Variants in NOS1 observed in about 807,000 individuals in gnomAD.
NOS1 encodes the protein NOS type I.
In NOS1, 51 loss-of-function variants were observed where a neutral mutation model predicts 164.5. The observed-to-expected ratio is 0.31, with a 90% CI of 0.25 to 0.39. NOS1 has a LOEUF of 0.39. Among genes scored for constraint, NOS1 ranks in the 10% least tolerant of loss-of-function variants. NOS1 has a pLI of 1.00. For synonymous variants in NOS1, 719 were observed against 745.8 expected (o/e 0.96, Z 0.59); for missense variants, 1,362 against 1,885.6 (o/e 0.72, Z 5.14).
intron 3 of NOS1, among the ~76,000 whole-genome samples, chr12:117,292,723 C>T (rs984616318): frequency 2.0e-5 from 3 of 152,226 alleles, no homozygotes; most frequent in African/African-American, 4.8e-5. Flanking sequence ...ACTATCCTGC[C>T]TCCTGGCCAT....
intron 1 of NOS1, among the ~76,000 whole-genome samples, chr12:117,349,661 T>C (rs953178976): frequency 6.6e-6 from 1 of 152,216 alleles, no homozygotes; most frequent in Non-Finnish European, 1.5e-5. Flanking sequence ...CCTGTGCTTA[T>C]ACAGGCCCAG....
intron 1 of NOS1, among the ~76,000 whole-genome samples, chr12:117,349,255 A>T (rs1233237618): frequency 2.0e-5 from 3 of 152,210 alleles, no homozygotes; most frequent in African/African-American, 7.2e-5. Flanking sequence ...ACTCAGCATC[A>T]CGCTTTTGAG....
Position 117,331,206 on chromosome 12 carries a change from C to T in NOS1, c.-137G>A. 2 of 1,143,104 alleles carry T rather than the reference C, an allele frequency of 1.7e-6. No homozygotes were observed. Among genetic ancestry groups the T allele is most frequent in the Non-Finnish European group, 2.5e-6 (2 of 812,764 alleles). 70.8% of individuals were successfully genotyped at this position (1,143,104 alleles called of 1,614,324 possible). ...TGACAGGTGCTGACAAGGCTTCAGC[C>T]CTCTCTGTCTTTGACGTCAGCTCAG... On this transcript the variant is annotated 5_prime_UTR_variant, in exon 2 of 29. Transcript: ENST00000317775.
At position 117,210,036 on chromosome 12, in the gene NOS1, G is replaced by A. The variant is rs534618088; in HGVS notation, c.*5273C>T. On this transcript the variant is annotated 3_prime_UTR_variant, in exon 29 of 29. Transcript: ENST00000317775. ...CACTCAGGCTGGAGTGCAGTGGTGC[G>A]ATCCTAGCTCACTGTCGCCTCAAAC... 6 of 938,978 alleles carry A rather than the reference G, an allele frequency of 6.4e-6. No individual in the cohort carries two copies. In the East Asian group the frequency reaches 3.5e-4, roughly 55 times the overall value. 58.2% of individuals were successfully genotyped at this position (938,978 alleles called of 1,614,324 possible).
intron 3 of NOS1, among the ~76,000 whole-genome samples, chr12:117,293,200 T>G (rs1382421422): frequency 6.6e-6 from 1 of 152,026 alleles, no homozygotes; most frequent in African/African-American, 2.4e-5. Context: ...CGTGCCACTG[T>G]TAAAGACTGC....
rs911092473 is a variant in NOS1, at chr12:117,234,368, C to T, written c.3235+197G>A. On this transcript the variant is annotated intron_variant, in intron 21 of 28. Coordinates refer to ENST00000317775, the MANE Select transcript of NOS1 (RefSeq NM_000620.5). The surrounding 1 kb of genome is among the most constrained non-coding windows in gnomAD (Gnocchi z 4.3). ...GCCATCAATGGCCTGGCACTATGTG[C>T]ATTTATTTGCTCAGCTGGTTGGGCC... Among the ~76,000 whole-genome samples the T allele has an allele frequency of 2.0e-5, 3 of 152,148 alleles. No individual in the cohort carries two copies. The highest frequency in any genetic ancestry group is 4.4e-5 in the Non-Finnish European group (3 of 68,028).
At chr12:117,218,238 G>T in intron 27 of NOS1, 74 bp from the exon 28 acceptor site, 1 of 1,059,248 alleles carries the variant, frequency 9.4e-7, no homozygotes, top group South Asian at 1.3e-5. Flanking sequence ...AGACTTGCCT[G>T]ACACCTGGAA....
intron 20 of NOS1, among the ~76,000 whole-genome samples, chr12:117,237,960 C>A (rs34973520): frequency 2.0e-5 from 3 of 151,954 alleles, no homozygotes; most frequent in East Asian, 3.9e-4. Flanking sequence ...ACTTCTCTGG[C>A]GATTTGACAC....
intron 22 of NOS1, among the ~76,000 whole-genome samples, chr12:117,231,101 G>T (rs930328586): frequency 1.3e-5 from 2 of 152,076 alleles, no homozygotes; most frequent in African/African-American, 4.8e-5. Flanking sequence ...GCCGAGGTGG[G>T]TGGATCACCT....
intron 3 of NOS1, among the ~76,000 whole-genome samples, chr12:117,307,185 G>A (rs539463823): frequency 2.0e-5 from 3 of 152,214 alleles, no homozygotes; most frequent in South Asian, 2.1e-4. Context: ...CCTTCGAACC[G>A]AGATCTCAAG....
intron 2 of NOS1, among the ~76,000 whole-genome samples, chr12:117,312,400 A>AGAGTTAATT (rs1874474585): frequency 6.6e-6 from 1 of 150,596 alleles, no homozygotes; most frequent in African/African-American, 2.4e-5. Flanking sequence ...TCTTGTGACA[A>AGAGTTAATT]CCCTTTGAGG....
Position 117,247,585 on chromosome 12 carries a change from T to A in NOS1, c.2649-63A>T. The stretch of plus-strand genomic sequence containing the variant: ...TGTGGGGAATGTGGGGAGTGTCTGG[T>A]GTAATGGGCTAAACTGTGTCCCCCC... On this transcript the variant is annotated intron_variant, in intron 17 of 28. Coordinates refer to ENST00000317775, the MANE Select transcript of NOS1 (RefSeq NM_000620.5). 2.1e-6 allele frequency: 3 copies of A among 1,452,842 alleles called. No homozygotes were observed. In the South Asian group the frequency reaches 4.0e-5, roughly 19 times the overall value. The allele number at this position is 1,452,842 out of a possible 1,614,324, so 90.0% of individuals were successfully genotyped here. A position where few individuals can be genotyped will look rare whatever the true frequency, so the allele number is the denominator to read the frequency against.
At chr12:117,310,951 C>T (rs1030498159) in intron 3 of NOS1, among the ~76,000 whole-genome samples, 4 of 152,162 alleles carry the variant, frequency 2.6e-5, no homozygotes, top group Admixed American at 6.5e-5. Context: ...CTGCAAGTTC[C>T]GCCTCCCAGG....
At chr12:117,286,317 A>C in intron 5 of NOS1, 51 bp from the exon 6 acceptor site, 1 of 1,588,892 alleles carries the variant, frequency 6.3e-7, no homozygotes, top group Non-Finnish European at 8.6e-7. Context: ...TCTGAATTAG[A>C]AGTTAGTGGA....
rs1281001537 is a variant in NOS1, at chr12:117,210,666, C to T, written c.*4643G>A. 4 of 985,306 alleles carry T rather than the reference C, an allele frequency of 4.1e-6. No individual in the cohort carries two copies. The highest frequency in any genetic ancestry group is 4.8e-6 in the Non-Finnish European group (4 of 829,936). 61.0% of individuals were successfully genotyped at this position (985,306 alleles called of 1,614,324 possible). A position where few individuals can be genotyped will look rare whatever the true frequency, so the allele number is the denominator to read the frequency against. ...TGCCCTATGAGCTAGGTCAGGACAC[C>T]TCTCACTTGTTTTGAGCTTAGGGCA... On this transcript the variant is annotated 3_prime_UTR_variant, in exon 29 of 29. Transcript: ENST00000317775.
chr12:117,245,021 T>C (rs1436870959), intron 18 of NOS1, among the ~76,000 whole-genome samples: 3 of 152,136 alleles, frequency 2.0e-5, no homozygotes, highest in African/African-American at 7.2e-5. Flanking sequence ...TCAATGGGTA[T>C]AAAAAGCCGT....
intron 27 of NOS1, 62 bp from the exon 28 acceptor site, chr12:117,218,226 G>T (rs1055685880): frequency 2.4e-6 from 3 of 1,245,398 alleles, no homozygotes; most frequent in Non-Finnish European, 3.5e-6. Context: ...TGGAGCAGGG[G>T]CAGACTTGCC....
intron 20 of NOS1, among the ~76,000 whole-genome samples, chr12:117,237,160 AT>A (rs772964866): frequency 4.6e-5 from 7 of 151,854 alleles, no homozygotes; most frequent in South Asian, 4.2e-4. Flanking sequence ...TTTCATTATT[AT>A]TTTTATTTTT....
chr12:117,222,547 A>T (rs1956724516), intron 26 of NOS1, among the ~76,000 whole-genome samples, 168 bp downstream of exon 26: 1 of 152,184 alleles, frequency 6.6e-6, no homozygotes, highest in South Asian at 2.1e-4. Flanking sequence ...CGGCCTGTTA[A>T]ATATTTTACA....
Sources: allele counts gnomAD v4.1 joint callset (sites outside exome capture counted in the v4.1 genomes callset), GRCh38; gene constraint gnomAD v4.1.1; non-coding constraint Gnocchi (gnomAD v3.1); transcripts MANE v1.5; gene names NCBI Gene and HGNC (gene_info 2026-07-23, HGNC 2026-07-21).